CPXM2: variants seen among roughly 807,000 people sequenced by gnomAD.
CPXM2 encodes the protein carboxypeptidase X, M14 family member 2.
In CPXM2, 66 loss-of-function variants were observed where a neutral mutation model predicts 86.1. The ratio of observed to expected loss-of-function variants is 0.77; its 90% CI spans 0.63 to 0.94. The LOEUF (loss-of-function observed/expected upper bound fraction) is 0.94. Among genes scored for constraint, CPXM2 ranks in the 40% least tolerant of loss-of-function variants. The probability of loss-of-function intolerance (pLI) is 0.00; values close to 1 mark genes in which losing one functional copy is unlikely to be tolerated. For synonymous variants in CPXM2, 388 were observed against 400.2 expected (o/e 0.97, Z 0.36); for missense variants, 948 against 1,026.3 (o/e 0.92, Z 1.04).
chr10:123,875,417 T>TA (rs1200157347), intron 2 of CPXM2, among the ~76,000 whole-genome samples: 1 of 152,154 alleles, frequency 6.6e-6, no homozygotes, highest in Non-Finnish European at 1.5e-5. Context: ...GAGTCTGAAA[T>TA]ACAGGCATGG....
chr10:123,798,100 C>T lies in CPXM2; in HGVS notation c.765G>A (p.Glu255=). 6.2e-7 allele frequency: 1 copy of T among 1,608,380 alleles called. No individual in the cohort carries two copies. Among genetic ancestry groups the T allele is most frequent in the Non-Finnish European group, 8.5e-7 (1 of 1,177,384 alleles). ...CGGGTAGCTCATTGAGAACAGGGAT[C>T]TCCTTCTCACTGTTTCCCTCAAATA... The part of the protein sequence containing the change: ...DMIFEGNSEK[E]IPVLNELPVP... Residue 255 remains glutamate (E), a synonymous_variant, in exon 6 of 14, where the codon GAG becomes GAA. Transcript: ENST00000241305.
chr10:123,809,226 C>T (rs1341415240), intron 4 of CPXM2, among the ~76,000 whole-genome samples: 1 of 152,098 alleles, frequency 6.6e-6, no homozygotes, highest in Non-Finnish European at 1.5e-5. Context: ...AGTAGGGATG[C>T]TGGCAATTCA....
intron 9 of CPXM2, among the ~76,000 whole-genome samples, chr10:123,767,928 T>A (rs187812131): frequency 2.0e-4 from 30 of 152,350 alleles, no homozygotes; most frequent in Middle Eastern, 6.8e-3. Flanking sequence ...AAAGTGTTAC[T>A]ATTGGATTCC....
At chr10:123,751,546 G>A (rs1338809489) in intron 13 of CPXM2, 1 of 985,250 alleles carries the variant, frequency 1.0e-6, no homozygotes. Flanking sequence ...ACAGGAGCAG[G>A]TCAGTTCAGT....
intron 4 of CPXM2, among the ~76,000 whole-genome samples, chr10:123,800,140 G>C (rs1306115322): frequency 6.7e-6 from 1 of 148,214 alleles, no homozygotes; most frequent in Non-Finnish European, 1.5e-5. Flanking sequence ...AAAGTTTTGA[G>C]TTTCCTGTCT....
At chr10:123,806,254 T>C (rs1248905786) in intron 4 of CPXM2, among the ~76,000 whole-genome samples, 2 of 152,202 alleles carry the variant, frequency 1.3e-5, no homozygotes, top group African/African-American at 4.8e-5. Flanking sequence ...GAATTCTAGA[T>C]TGATGTTTAT....
intron 4 of CPXM2, among the ~76,000 whole-genome samples, chr10:123,818,867 T>C (rs191351941): frequency 6.6e-6 from 1 of 152,190 alleles, no homozygotes; most frequent in African/African-American, 2.4e-5. Flanking sequence ...GTTTCTCCCA[T>C]AGCCAGGATT....
chr10:123,771,677 C>G (rs1846635433), intron 7 of CPXM2, among the ~76,000 whole-genome samples: 1 of 152,150 alleles, frequency 6.6e-6, no homozygotes, highest in Admixed American at 6.5e-5. Context: ...TGGCTGTGTT[C>G]CCACCCAAAA....
chr10:123,933,742 A>T lies in CPXM2; in HGVS notation n.174+5735T>A, dbSNP rs190801541. 4.5e-3 allele frequency among the ~76,000 whole-genome samples: 677 copies of T among 149,824 alleles called. 3 individuals are homozygous for T. Among genetic ancestry groups the T allele is most frequent in the Non-Finnish European group, 8.1e-3 (551 of 67,748 alleles). On this transcript the variant is annotated intron_variant and non_coding_transcript_variant, in intron 2 of 19. Transcript: ENST00000368854. The stretch of plus-strand genomic sequence containing the variant: ...CTGAAAACAACAACAAAAACAAAAC[A>T]AAACTAAAAAAAAAAAGGAAGTACA...
chr10:123,904,912 A>ATCTGCAGCCTGTGACCTCCCCTC (rs1184917723), intron 2 of CPXM2, among the ~76,000 whole-genome samples: 1 of 131,662 alleles, frequency 7.6e-6, no homozygotes, highest in Non-Finnish European at 1.6e-5. Flanking sequence ...GCTCTGCATC[A>ATCTGCAGCCTGTGACCTCCCCTC]CACCTGCATC....
rs368586184 is a variant in CPXM2, at chr10:123,754,818, C to T, written c.1918-56G>A. 2.2e-5 allele frequency: 22 copies of T among 986,508 alleles called. No individual in the cohort carries two copies. The highest frequency in any genetic ancestry group is 6.8e-5 in the Admixed American group (4 of 58,770). The allele number at this position is 986,508 out of a possible 1,614,324, so 61.1% of individuals were successfully genotyped here. A position where few individuals can be genotyped will look rare whatever the true frequency, so the allele number is the denominator to read the frequency against. On this transcript the variant is annotated intron_variant, in intron 12 of 13. Coordinates refer to ENST00000241305, the MANE Select transcript of CPXM2 (RefSeq NM_198148.3). This position sits in a 1 kb window ranked among gnomAD's most constrained non-coding sequence, Gnocchi z 4.0. ...GTCACCGACCAGCTCTGGACACAAC[C>T]GGCACAACAGAGTGGGCTGTCAACC...
At chr10:123,758,469 AC>A (rs953356956) in intron 11 of CPXM2, among the ~76,000 whole-genome samples, 1 of 152,118 alleles carries the variant, frequency 6.6e-6, no homozygotes, top group Non-Finnish European at 1.5e-5. Context: ...CCTTACAAGG[AC>A]ACTTCCCACT....
chr10:123,816,067 G>T (rs1847807617), intron 4 of CPXM2, among the ~76,000 whole-genome samples: 1 of 152,160 alleles, frequency 6.6e-6, no homozygotes. Context: ...GATCTCCCTT[G>T]GTCTAGTGTA....
At chr10:123,898,055 C>T (rs943711133) in intron 2 of CPXM2, among the ~76,000 whole-genome samples, 7 of 152,222 alleles carry the variant, frequency 4.6e-5, no homozygotes, top group Non-Finnish European at 7.3e-5. Context: ...TCAGACTCCA[C>T]GCCAGGGGTC....
At chr10:123,923,479 G>A (rs1462175634) in intron 2 of CPXM2, among the ~76,000 whole-genome samples, 1 of 151,160 alleles carries the variant, frequency 6.6e-6, no homozygotes, top group Non-Finnish European at 1.5e-5. Context: ...TACTCGGGAG[G>A]CTGAGGCAGG....
intron 3 of CPXM2, among the ~76,000 whole-genome samples, chr10:123,858,498 T>C (rs1319012658): frequency 6.6e-6 from 1 of 152,214 alleles, no homozygotes; most frequent in Non-Finnish European, 1.5e-5. Context: ...TGGGAGGCAA[T>C]TTTATGGCAT....
intron 6 of CPXM2, 129 bp downstream of exon 6, chr10:123,797,847 C>T: frequency 1.1e-6 from 1 of 939,842 alleles, no homozygotes; most frequent in Non-Finnish European, 1.4e-6. Context: ...CTCAGCCTCC[C>T]AAAATGCTGG....
At chr10:123,937,170 C>T (rs1945728112) in intron 2 of CPXM2, among the ~76,000 whole-genome samples, 1 of 152,204 alleles carries the variant, frequency 6.6e-6, no homozygotes, top group African/African-American at 2.4e-5. Flanking sequence ...GTAACTCAGG[C>T]TTGGTTAGGG....
At chr10:123,771,900 A>C (rs1490414793) in intron 7 of CPXM2, among the ~76,000 whole-genome samples, 3 of 152,202 alleles carry the variant, frequency 2.0e-5, no homozygotes, top group Admixed American at 1.3e-4. Flanking sequence ...CCATTATTAT[A>C]AGTTTCCTGA....
Sources: allele counts gnomAD v4.1 joint callset (sites outside exome capture counted in the v4.1 genomes callset), GRCh38; gene constraint gnomAD v4.1.1; non-coding constraint Gnocchi (gnomAD v3.1); transcripts MANE v1.5; gene names NCBI Gene and HGNC (gene_info 2026-07-23, HGNC 2026-07-21).